Variants in DSCAM observed in about 807,000 individuals in gnomAD.
The protein encoded by DSCAM is cell adhesion molecule DSCAM.
In DSCAM, 47 loss-of-function variants were observed where a neutral mutation model predicts 217.7. The ratio of observed to expected loss-of-function variants is 0.22; its 90% CI spans 0.17 to 0.28. The LOEUF (loss-of-function observed/expected upper bound fraction) is 0.28. Ranked by LOEUF, DSCAM falls within the 10% of genes least tolerant of loss-of-function variation. DSCAM has a pLI of 1.00. For synonymous variants in DSCAM, 1,056 were observed against 1,015.3 expected (o/e 1.04, Z -0.76); for missense variants, 2,080 against 2,618.3 (o/e 0.79, Z 4.49).
At chr21:40,193,357 G>C (rs959099793) in intron 11 of DSCAM, among the ~76,000 whole-genome samples, 1 of 59,230 alleles carries the variant, frequency 1.7e-5, no homozygotes, top group African/African-American at 5.3e-5. Context: ...TTCTCATACG[G>C]GAAAGAGGCT....
At chr21:40,140,627 T>C (rs1242777381) in intron 18 of DSCAM, among the ~76,000 whole-genome samples, 1 of 152,230 alleles carries the variant, frequency 6.6e-6, no homozygotes, top group African/African-American at 2.4e-5. Context: ...ACATATGTAA[T>C]GATATCCTAT....
intron 3 of DSCAM, among the ~76,000 whole-genome samples, chr21:40,613,855 A>C (rs2089349244): frequency 6.6e-6 from 1 of 152,108 alleles, no homozygotes; most frequent in Non-Finnish European, 1.5e-5. Context: ...CTTGGTGCCC[A>C]TTTGCTGATT....
intron 3 of DSCAM, among the ~76,000 whole-genome samples, chr21:40,671,109 C>T (rs574029274): frequency 2.8e-4 from 43 of 152,288 alleles, no homozygotes; most frequent in African/African-American, 7.0e-4. Flanking sequence ...TAGTCACATA[C>T]GTGAGTGTCT....
chr21:40,521,825 C>A (rs989787609), intron 3 of DSCAM, among the ~76,000 whole-genome samples: 2 of 152,082 alleles, frequency 1.3e-5, no homozygotes, highest in Admixed American at 1.3e-4. Flanking sequence ...AAGGTACGCA[C>A]ATCTCAAAAT....
chr21:40,441,477 C>A (rs2075629935), intron 3 of DSCAM, among the ~76,000 whole-genome samples: 1 of 152,086 alleles, frequency 6.6e-6, no homozygotes, highest in Non-Finnish European at 1.5e-5. Context: ...GTACCAAAGA[C>A]AATAGATGCT....
intron 32 of DSCAM, among the ~76,000 whole-genome samples, chr21:40,017,619 C>T (rs2088183524): frequency 6.6e-6 from 1 of 150,952 alleles, no homozygotes; most frequent in Non-Finnish European, 1.5e-5. Flanking sequence ...TGGAGTGCAA[C>T]TCGGTTCGCC....
At chr21:40,842,644 C>T (rs573037732) in intron 1 of DSCAM, among the ~76,000 whole-genome samples, 2 of 152,098 alleles carry the variant, frequency 1.3e-5, no homozygotes, top group Admixed American at 6.5e-5. Context: ...CGAAATACTC[C>T]GTGCACCTTA....
chr21:40,529,595 C>G (rs1229566962), intron 3 of DSCAM, among the ~76,000 whole-genome samples: 2 of 152,010 alleles, frequency 1.3e-5, no homozygotes, highest in East Asian at 3.9e-4. Context: ...TCATGTCCCT[C>G]ATATCAGCAC....
At chr21:40,436,825 G>A (rs1286309224) in intron 3 of DSCAM, among the ~76,000 whole-genome samples, 1 of 144,944 alleles carries the variant, frequency 6.9e-6, no homozygotes, top group Non-Finnish European at 1.5e-5. Flanking sequence ...CATGAAGCCA[G>A]CTTGGAAGCC....
rs527788285 is a variant in DSCAM, at chr21:40,715,763, C to G, written c.44-6992G>C. On this transcript the variant is annotated intron_variant, in intron 1 of 32. Transcript: ENST00000400454. The stretch of plus-strand genomic sequence containing the variant: ...ATATTGTTAGGAATGAGGTAACTGT[C>G]ACTCTTCAAGGCTAATTAATTCCAC... Among the ~76,000 whole-genome samples the G allele has an allele frequency of 1.8e-4, 28 of 152,280 alleles. No individual in the cohort carries two copies. The South Asian group carries it at 5.6e-3, about 30-fold the overall frequency.
At chr21:40,580,849 T>C (rs2146222662) in intron 3 of DSCAM, among the ~76,000 whole-genome samples, 1 of 152,322 alleles carries the variant, frequency 6.6e-6, no homozygotes, top group Admixed American at 6.5e-5. Flanking sequence ...TTGTGGAGCA[T>C]AGCTATGGTG....
chr21:40,336,446 G>A (rs564157289), intron 8 of DSCAM, among the ~76,000 whole-genome samples: 3 of 152,132 alleles, frequency 2.0e-5, no homozygotes, highest in Non-Finnish European at 4.4e-5. Context: ...TGAGATCATG[G>A]TAATGTTAGT....
intron 3 of DSCAM, among the ~76,000 whole-genome samples, chr21:40,559,521 A>G (rs1433872121): frequency 1.3e-5 from 2 of 151,914 alleles, no homozygotes; most frequent in African/African-American, 4.8e-5. Context: ...GGAGGTTAAG[A>G]GAAACAGCCT....
intron 11 of DSCAM, among the ~76,000 whole-genome samples, chr21:40,216,620 A>G (rs1405595549): frequency 1.3e-5 from 2 of 152,214 alleles, no homozygotes; most frequent in Non-Finnish European, 2.9e-5. Context: ...AAATGTCAAT[A>G]CTGTTTAAAC....
intron 4 of DSCAM, among the ~76,000 whole-genome samples, chr21:40,365,308 A>T (rs1359260449): frequency 6.6e-6 from 1 of 152,192 alleles, no homozygotes; most frequent in Admixed American, 6.5e-5. Context: ...AGACTGGCTT[A>T]GTCCTCCAGC....
chr21:40,665,042 T>C (rs977261646), intron 3 of DSCAM, among the ~76,000 whole-genome samples: 1 of 152,198 alleles, frequency 6.6e-6, no homozygotes, highest in Non-Finnish European at 1.5e-5. Flanking sequence ...TCTGCCATGA[T>C]TGCAAGCTTC....
chr21:40,776,709 C>A (rs2091491419), intron 1 of DSCAM, among the ~76,000 whole-genome samples: 1 of 152,092 alleles, frequency 6.6e-6, no homozygotes, highest in African/African-American at 2.4e-5. Context: ...CTGTTCAGGG[C>A]CTTGGGGACC....
intron 1 of DSCAM, among the ~76,000 whole-genome samples, chr21:40,794,824 T>G (rs900819276): frequency 6.6e-6 from 1 of 150,978 alleles, no homozygotes; most frequent in Non-Finnish European, 1.5e-5. Context: ...CTCCATCACA[T>G]AAACTTATTG....
intron 1 of DSCAM, among the ~76,000 whole-genome samples, chr21:40,759,050 G>C (rs539588597): frequency 6.6e-6 from 1 of 152,168 alleles, no homozygotes; most frequent in Non-Finnish European, 1.5e-5. Flanking sequence ...GCCTGGAAGG[G>C]GTGTGAAATG....
Sources: allele counts gnomAD v4.1 joint callset (sites outside exome capture counted in the v4.1 genomes callset), GRCh38; gene constraint gnomAD v4.1.1; transcripts MANE v1.5; gene names NCBI Gene and HGNC (gene_info 2026-07-23, HGNC 2026-07-21).